The following PATL2 variants were observed in gnomAD, a reference collection of about 807,000 sequenced individuals.
PATL2 encodes the protein protein PAT1 homolog 2.
In PATL2, 73 loss-of-function variants were observed where a neutral mutation model predicts 77.0. The ratio of observed to expected loss-of-function variants is 0.95; its 90% CI spans 0.78 to 1.15. The LOEUF (loss-of-function observed/expected upper bound fraction) is 1.15, where lower values mean the gene tolerates loss of function less well. Among genes scored for constraint, PATL2 ranks in the 50% most tolerant of loss-of-function variants. PATL2 has a pLI of 0.00. For missense variants in PATL2, 618 were observed against 655.4 expected, an observed-to-expected ratio of 0.94 and a Z score of 0.62; for synonymous variants, 265 against 257.1, an observed-to-expected ratio of 1.03 and a Z score of -0.29.
At chr15:44,693,984 T>G (rs2086451294) in intron 3 of PATL2, among the ~76,000 whole-genome samples, 1 of 152,214 alleles carries the variant, frequency 6.6e-6, no homozygotes, top group Non-Finnish European at 1.5e-5. Context: ...ATTACAGGCA[T>G]GATCCACCAC....
At position 44,694,734 on chromosome 15, in the gene PATL2, C is replaced by T. The variant is rs144992579; in HGVS notation, c.-76+15362G>A. Among the ~76,000 whole-genome samples the T allele has an allele frequency of 1.5e-3, 236 of 152,262 alleles. 1 individual carries two copies. Among genetic ancestry groups the T allele is most frequent in the African/African-American group, 5.2e-3 (217 of 41,550 alleles). ...CTATGAATCAAGTGATGATCTGCAA[C>T]TTGAAGAAACAAAAAGGGATGGCAA... On this transcript the variant is annotated intron_variant, in intron 3 of 17. Transcript: ENST00000682850.
intron 14 of PATL2, 116 bp downstream of exon 14, chr15:44,668,864 C>A: frequency 7.9e-7 from 1 of 1,270,580 alleles, no homozygotes; most frequent in Non-Finnish European, 1.1e-6. Context: ...GGCCAGCATC[C>A]CTCGCTGTGC....
At chr15:44,703,119 C>CA (rs1169210072) in intron 3 of PATL2, among the ~76,000 whole-genome samples, 1 of 151,914 alleles carries the variant, frequency 6.6e-6, no homozygotes, top group East Asian at 1.9e-4. Flanking sequence ...ACTAAAAATA[C>CA]AAAAAAATTA....
chr15:44,685,206 C>T (rs988982625), intron 3 of PATL2, among the ~76,000 whole-genome samples: 3 of 152,174 alleles, frequency 2.0e-5, no homozygotes, highest in East Asian at 1.9e-4. Context: ...GCAAAATAAC[C>T]GGCTAGCATC....
Position 44,672,174 on chromosome 15 carries a change from C to A in PATL2, c.516-18G>T. On this transcript the variant is annotated intron_variant, in intron 8 of 17. Transcript: ENST00000682850. ...CTGGGGGACTTTAAGCCAGGAGGAA[C>A]AACCCTTTAGACTTACCCACCACTG... is the stretch of plus-strand genomic sequence containing the variant. The A allele has an allele frequency of 6.4e-7, 1 of 1,551,698 alleles. No individual in the cohort carries two copies. Among genetic ancestry groups the A allele is most frequent in the Non-Finnish European group, 8.7e-7 (1 of 1,147,000 alleles).
At chr15:44,696,759 T>A (rs187197171) in intron 3 of PATL2, among the ~76,000 whole-genome samples, 1 of 152,202 alleles carries the variant, frequency 6.6e-6, no homozygotes, top group Non-Finnish European at 1.5e-5. Flanking sequence ...TCTATTTTTT[T>A]GGGGGCCTGT....
In PATL2 at chr15:44,666,386, A is replaced by G. The variant is rs1200775702; in HGVS notation, c.1613+6T>C. ...GGGCTTTGACCTTGTTTCTGCCATTACTTACTCCATCCTGGCCTCCAGCTG... is the reference window on the plus strand; with the variant it reads ...GGGCTTTGACCTTGTTTCTGCCATTGCTTACTCCATCCTGGCCTCCAGCTG... On this transcript the variant is annotated splice_donor_region_variant and intron_variant, in intron 17 of 17. Coordinates refer to ENST00000682850, the MANE Select transcript of PATL2 (RefSeq NM_001387263.1). 7.7e-6 allele frequency: 12 copies of G among 1,551,540 alleles called. No individual in the cohort carries two copies. The highest frequency in any genetic ancestry group is 1.0e-5 in the Non-Finnish European group (12 of 1,146,990).
At chr15:44,666,114 G>T in intron 17 of PATL2, 143 bp from the exon 18 acceptor site, 1 of 890,022 alleles carries the variant, frequency 1.1e-6, no homozygotes, top group Non-Finnish European at 1.7e-6. Flanking sequence ...TAGAATAGTT[G>T]TCCCTCAAGT....
At chr15:44,687,833 C>T (rs1308760583) in intron 3 of PATL2, among the ~76,000 whole-genome samples, 1 of 152,120 alleles carries the variant, frequency 6.6e-6, no homozygotes, top group African/African-American at 2.4e-5. Context: ...ACCTAGGAAT[C>T]CAACTTACAA....
At chr15:44,684,538 G>T (rs1699540837) in intron 3 of PATL2, among the ~76,000 whole-genome samples, 1 of 151,226 alleles carries the variant, frequency 6.6e-6, no homozygotes, top group Admixed American at 6.6e-5. Flanking sequence ...AAGACGACAA[G>T]ATTAGAAAAA....
At chr15:44,695,993 G>C (rs1056265069) in intron 3 of PATL2, among the ~76,000 whole-genome samples, 2 of 152,180 alleles carry the variant, frequency 1.3e-5, no homozygotes, top group African/African-American at 4.8e-5. Flanking sequence ...CTGGTCAGAG[G>C]CAAGTGTCAG....
chr15:44,708,199 C>A (rs1305554895), intron 3 of PATL2, among the ~76,000 whole-genome samples: 1 of 152,218 alleles, frequency 6.6e-6, no homozygotes, highest in Non-Finnish European at 1.5e-5. Context: ...GTACTGTGAT[C>A]ACTCACCTGA....
chr15:44,675,582 G>GTCC lies in PATL2; in HGVS notation c.123_125dup (p.Glu41dup). 6.4e-7 allele frequency: 1 copy of GTCC among 1,551,486 alleles called. No individual in the cohort carries two copies. Among genetic ancestry groups the GTCC allele is most frequent in the Non-Finnish European group, 8.7e-7 (1 of 1,146,746 alleles). On this transcript the variant is annotated inframe_insertion, in exon 5 of 18. Transcript: ENST00000682850. ...CCAGATCTGGGTCCAGATCCTCCTCGTCCTCCTCCTCTTCCTCCTCCTCCC... is the reference window on the plus strand; with the variant it reads ...CCAGATCTGGGTCCAGATCCTCCTCGTCCTCCTCCTCCTCTTCCTCCTCCTCCC...
rs925531551 is a variant in PATL2 at position 44,666,938 on chromosome 15, A to G, written c.1463+168T>C. ...ATACTGCCTCCTAGAAGAAACCGAAACTCTAGGGCACTATAGAAAAAAAGC... is the reference window on the plus strand; with the variant it reads ...ATACTGCCTCCTAGAAGAAACCGAAGCTCTAGGGCACTATAGAAAAAAAGC... On this transcript the variant is annotated intron_variant, in intron 16 of 17. Transcript: ENST00000682850. The G allele has an allele frequency of 3.5e-5, 21 of 601,316 alleles. No individual in the cohort carries two copies. In the South Asian group the frequency reaches 4.6e-4, roughly 13 times the overall value. 37.2% of individuals were successfully genotyped at this position (601,316 alleles called of 1,614,324 possible). A position where few individuals can be genotyped will look rare whatever the true frequency, so the allele number is the denominator to read the frequency against.
chr15:44,693,996 C>G (rs1173775940), intron 3 of PATL2, among the ~76,000 whole-genome samples: 1 of 152,156 alleles, frequency 6.6e-6, no homozygotes, highest in Non-Finnish European at 1.5e-5. Context: ...ATCCACCACA[C>G]CCAGCCTAAA....
In PATL2 at chr15:44,675,500, C is replaced by T. The variant is rs1394052199; in HGVS notation, c.208G>A (p.Val70Ile). 15 of 1,551,402 alleles carry T rather than the reference C, an allele frequency of 9.7e-6. No homozygotes were observed. The highest frequency in any genetic ancestry group is 1.3e-5 in the Non-Finnish European group (15 of 1,146,754). The change falls in exon 5 of 18, where the codon GTC (valine) becomes ATC (isoleucine). Residue 70 changes from valine to isoleucine, a missense_variant. Transcript: ENST00000682850. ...DLGDPAVLGA[V>I]HNTQRALLSS... ...TGCCATGGTACCTGGGTGTTGTGGA[C>T]AGCACCAAGTACAGCTGGATCCCCA...
chr15:44,708,384 A>G (rs2086784010), intron 3 of PATL2, among the ~76,000 whole-genome samples: 1 of 152,224 alleles, frequency 6.6e-6, no homozygotes, highest in Non-Finnish European at 1.5e-5. Flanking sequence ...AAAGTATACA[A>G]TAAGTTCTAA....
At chr15:44,698,776 A>G (rs1318148761) in intron 3 of PATL2, among the ~76,000 whole-genome samples, 7 of 152,192 alleles carry the variant, frequency 4.6e-5, no homozygotes, top group Non-Finnish European at 4.4e-5. Context: ...GGATTGCTGG[A>G]TCATATGATT....
chr15:44,695,903 A>G (rs2141254025), intron 3 of PATL2, among the ~76,000 whole-genome samples: 1 of 152,278 alleles, frequency 6.6e-6, no homozygotes, highest in Non-Finnish European at 1.5e-5. Context: ...GAAAGATCCA[A>G]ACCACCAGAG....
Sources: allele counts gnomAD v4.1 joint callset (sites outside exome capture counted in the v4.1 genomes callset), GRCh38; gene constraint gnomAD v4.1.1; transcripts MANE v1.5; gene names NCBI Gene and HGNC (gene_info 2026-07-23, HGNC 2026-07-21).